C18orf63: variants seen among roughly 807,000 people sequenced by gnomAD.
The protein encoded by C18orf63 is chromosome 18 open reading frame 63.
Under a neutral mutation model 75.3 loss-of-function variants are expected in C18orf63, and 50 were observed. The ratio of observed to expected loss-of-function variants is 0.66; its 90% confidence interval spans 0.53 to 0.84. C18orf63 has a LOEUF of 0.84. C18orf63 is among the 40% of genes least tolerant of loss of function. The probability of loss-of-function intolerance (pLI) is 0.00; values close to 1 mark genes in which losing one functional copy is unlikely to be tolerated. For synonymous variants in C18orf63, 232 were observed against 267.6 expected (o/e 0.87, Z 1.30); for missense variants, 732 against 800.2 (o/e 0.91, Z 1.03).
rs1380469983 is a variant in C18orf63, at chr18:74,315,978, G to A, written c.-164G>A. 1.3e-5 allele frequency: 2 copies of A among 152,424 alleles called. No individual in the cohort carries two copies. The highest frequency in any genetic ancestry group is 3.9e-4 in the East Asian group (2 of 5,154). The allele number at this position is 152,424 out of a possible 1,614,324, so 9.4% of individuals were successfully genotyped here. On this transcript the variant is annotated 5_prime_UTR_variant, in exon 1 of 14. Coordinates refer to ENST00000579455, the MANE Select transcript of C18orf63 (RefSeq NM_001174123.2). ...GGCCTTGGGGGGCAGCTGCTTGAAGGAGGCAGAGCGGAAGCGAGGGAGACT... is the reference window on the plus strand; with the variant it reads ...GGCCTTGGGGGGCAGCTGCTTGAAGAAGGCAGAGCGGAAGCGAGGGAGACT...
At chr18:74,330,475 A>G (rs1984286206) in intron 6 of C18orf63, among the ~76,000 whole-genome samples, 1 of 152,284 alleles carries the variant, frequency 6.6e-6, no homozygotes, top group Non-Finnish European at 1.5e-5. Context: ...GTAAAAGACT[A>G]CTCAAGTCAG....
At chr18:74,354,625 T>A in intron 13 of C18orf63, 79 bp downstream of exon 13, 1 of 643,118 alleles carries the variant, frequency 1.6e-6, no homozygotes, top group Admixed American at 3.0e-5. Context: ...CCCAACCTCT[T>A]GGTAAAAAGC....
At chr18:74,321,860 A>G (rs1207050313) in intron 3 of C18orf63, among the ~76,000 whole-genome samples, 1 of 152,284 alleles carries the variant, frequency 6.6e-6, no homozygotes, top group East Asian at 1.9e-4. Flanking sequence ...TTAAAAGTAG[A>G]AAATGGGATT....
At position 74,315,954 on chromosome 18, in the gene C18orf63, G is replaced by A. The variant is rs1339771875; in HGVS notation, c.-188G>A. 2 of 152,364 alleles carry A rather than the reference G, an allele frequency of 1.3e-5. No homozygotes were observed. Among genetic ancestry groups the A allele is most frequent in the Non-Finnish European group, 2.9e-5 (2 of 68,200 alleles). The allele number at this position is 152,364 out of a possible 1,614,324, so 9.4% of individuals were successfully genotyped here. On this transcript the variant is annotated 5_prime_UTR_variant, in exon 1 of 14. Coordinates refer to ENST00000579455, the MANE Select transcript of C18orf63 (RefSeq NM_001174123.2). ...CGCCCCACAGAGACCAAGAGGCCTG[G>A]CCTTGGGGGGCAGCTGCTTGAAGGA...
chr18:74,318,043 A>T (rs1237328469), intron 2 of C18orf63, 44 bp downstream of exon 2: 16 of 1,314,874 alleles, frequency 1.2e-5, no homozygotes, highest in Non-Finnish European at 1.5e-5. Flanking sequence ...AAACTTTGAG[A>T]CCTATAAAAG....
chr18:74,317,948 G>A lies in C18orf63; in HGVS notation c.83G>A (p.Ser28Asn). Reference protein sequence around the residue: ...NKLCAVRIILSNKVADTEIRT... With the variant: ...NKLCAVRIILNNKVADTEIRT... ...CTCTGTGCTGTCAGAATAATACTGA[G>A]TAATAAGGTGGCAGATACTGAGATT... The change falls in exon 2 of 14, where the codon AGT becomes AAT. Residue 28 changes from serine to asparagine, a missense_variant. This residue lies in a region of C18orf63 where 233 missense variants were observed against 272.7 expected (regional missense o/e 0.85). Coordinates refer to ENST00000579455, the MANE Select transcript of C18orf63 (RefSeq NM_001174123.2). 1 of 1,532,866 alleles carries A rather than the reference G, an allele frequency of 6.5e-7. No individual in the cohort carries two copies. The highest frequency in any genetic ancestry group is 8.7e-7 in the Non-Finnish European group (1 of 1,144,608). 95.0% of individuals were successfully genotyped at this position (1,532,866 alleles called of 1,614,324 possible). A position where few individuals can be genotyped will look rare whatever the true frequency, so the allele number is the denominator to read the frequency against.
chr18:74,327,855 G>A (rs1273755998), intron 4 of C18orf63, 92 bp from the exon 5 acceptor site: 2 of 729,368 alleles, frequency 2.7e-6, no homozygotes, highest in East Asian at 5.4e-5. Flanking sequence ...TTTGTTGGGT[G>A]GTGATCTAAA....
rs1984708363 is a variant in C18orf63, at chr18:74,353,623, A to G, written c.1356A>G (p.Val452=). 6.5e-7 allele frequency: 1 copy of G among 1,536,146 alleles called. No homozygotes were observed. The highest frequency in any genetic ancestry group is 1.2e-5 in the South Asian group (1 of 84,070). ...TACAAATGAACAAAAATACCTCAGT[A>G]CTTGGCAGCCCAAAAAGAAAACAGC... ...RLLQMNKNTS[V]LGSPKRKQHD... The change falls in exon 12 of 14, where the codon GTA becomes GTG. Residue 452 remains valine, a synonymous_variant. Transcript: ENST00000579455.
At chr18:74,336,119 A>G (rs1044612595) in intron 7 of C18orf63, among the ~76,000 whole-genome samples, 1 of 152,076 alleles carries the variant, frequency 6.6e-6, no homozygotes, top group African/African-American at 2.4e-5. Context: ...GTAAATTAAG[A>G]CACAAAGCAG....
Position 74,344,723 on chromosome 18 carries a change from A to G in C18orf63, c.978+1021A>G, listed in dbSNP as rs889446178. Reference sequence around the variant, plus strand: ...TTTTAGGCTCAGCATCATGTTTGTGACATTCATCCACGTTGCTCCACTTAG... The same window carrying G: ...TTTTAGGCTCAGCATCATGTTTGTGGCATTCATCCACGTTGCTCCACTTAG... On this transcript the variant is annotated intron_variant, in intron 11 of 13. Transcript: ENST00000579455. 2.6e-5 allele frequency among the ~76,000 whole-genome samples: 4 copies of G among 152,138 alleles called. No individual in the cohort carries two copies. The East Asian group carries it at 7.7e-4, about 29-fold the overall frequency.
chr18:74,355,900 G>C (rs920478187), intron 13 of C18orf63, among the ~76,000 whole-genome samples: 2 of 151,764 alleles, frequency 1.3e-5, no homozygotes, highest in African/African-American at 4.8e-5. Flanking sequence ...TCTGTCCCCT[G>C]CCAGAAATAT....
chr18:74,339,515 A>G (rs1984445100), intron 8 of C18orf63, among the ~76,000 whole-genome samples: 1 of 152,178 alleles, frequency 6.6e-6, no homozygotes, highest in Admixed American at 6.5e-5. Context: ...GCCATATATG[A>G]CAAACCTGTA....
intron 11 of C18orf63, among the ~76,000 whole-genome samples, chr18:74,350,434 A>C (rs1984647866): frequency 6.6e-6 from 1 of 152,116 alleles, no homozygotes; most frequent in African/African-American, 2.4e-5. Context: ...CCTTAATCCA[A>C]TATGACTAGT....
intron 2 of C18orf63, among the ~76,000 whole-genome samples, chr18:74,320,216 G>T (rs1208596096): frequency 1.3e-5 from 2 of 152,304 alleles, no homozygotes; most frequent in East Asian, 3.9e-4. Context: ...CAGGAAGCAT[G>T]ATTGGAGGCC....
chr18:74,329,467 A>T (rs1338435321), intron 6 of C18orf63, among the ~76,000 whole-genome samples: 2 of 151,748 alleles, frequency 1.3e-5, no homozygotes, highest in African/African-American at 4.8e-5. Flanking sequence ...ATCAGATATT[A>T]TTGTAATCAG....
chr18:74,339,169 G>T (rs1984439083), intron 8 of C18orf63, among the ~76,000 whole-genome samples: 1 of 151,952 alleles, frequency 6.6e-6, no homozygotes, highest in Admixed American at 6.6e-5. Flanking sequence ...AATTTGATAT[G>T]AGCTGAGTTT....
In C18orf63 at chr18:74,338,783, G is replaced by T; in HGVS notation, c.570G>T (p.Glu190Asp). The part of the protein sequence containing the change: ...DFHANKHAVI[E>D]RHSILSNWCY... ...ATGCTAACAAGCATGCTGTCATTGA[G>T]AGACATTCCATTTTAAGCAACTGGT... Residue 190 changes from glutamate to aspartate, a missense_variant, in exon 8 of 14, where the codon GAG becomes GAT. Physicochemically the swap from Glu to Asp is conservative, Grantham distance 45. Coordinates refer to ENST00000579455, the MANE Select transcript of C18orf63 (RefSeq NM_001174123.2). 7.0e-7 allele frequency: 1 copy of T among 1,418,912 alleles called. No individual in the cohort carries two copies. The highest frequency in any genetic ancestry group is 9.3e-7 in the Non-Finnish European group (1 of 1,074,510). 87.9% of individuals were successfully genotyped at this position (1,418,912 alleles called of 1,614,324 possible).
chr18:74,323,755 TTAA>T (rs1984163302), intron 4 of C18orf63, among the ~76,000 whole-genome samples: 1 of 152,226 alleles, frequency 6.6e-6, no homozygotes, highest in Non-Finnish European at 1.5e-5. Context: ...CAATATAACA[TTAA>T]TGAGAAAGGA....
chr18:74,331,602 A>C (rs1170085523), intron 7 of C18orf63, among the ~76,000 whole-genome samples: 3 of 152,158 alleles, frequency 2.0e-5, no homozygotes, highest in Admixed American at 2.0e-4. Flanking sequence ...TGCTACTGAC[A>C]TCTAGTGGGT....
Sources: allele counts gnomAD v4.1 joint callset (sites outside exome capture counted in the v4.1 genomes callset), GRCh38; gene constraint gnomAD v4.1.1; regional missense constraint gnomAD v4.1.1; transcripts MANE v1.5; gene names NCBI Gene and HGNC (gene_info 2026-07-23, HGNC 2026-07-21).